AGGF1: variants seen among roughly 807,000 people sequenced by gnomAD.
AGGF1 encodes angiogenic factor with G-patch and FHA domains 1, also known as angiogenic factor with G patch and FHA domains 1.
AGGF1 carries 56 observed loss-of-function variants against 86.5 expected under a neutral mutation model. The observed-to-expected ratio is 0.65, with a 90% CI of 0.52 to 0.81. The LOEUF (loss-of-function observed/expected upper bound fraction) is 0.81. Among genes scored for constraint, AGGF1 ranks in the 30% least tolerant of loss-of-function variants. The probability of loss-of-function intolerance (pLI) is 0.00; values close to 1 mark genes in which losing one functional copy is unlikely to be tolerated. For synonymous variants in AGGF1, 313 were observed against 297.1 expected, an observed-to-expected ratio of 1.05 and a Z score of -0.55; for missense variants, 816 against 850.9, an observed-to-expected ratio of 0.96 and a Z score of 0.51.
chr5:77,044,560 T>C (rs1293569506), intron 5 of AGGF1, among the ~76,000 whole-genome samples: 1 of 152,196 alleles, frequency 6.6e-6, no homozygotes, highest in Non-Finnish European at 1.5e-5. Flanking sequence ...CTATCTAATG[T>C]TCTGTACTGG....
intron 5 of AGGF1, among the ~76,000 whole-genome samples, chr5:77,044,365 C>G (rs976005619): frequency 6.6e-6 from 1 of 152,188 alleles, no homozygotes; most frequent in Middle Eastern, 3.2e-3. Context: ...CTAAAAGGTA[C>G]CTGTGAGGCC....
At chr5:77,040,874 T>C (rs1352467669) in intron 5 of AGGF1, among the ~76,000 whole-genome samples, 3 of 152,184 alleles carry the variant, frequency 2.0e-5, no homozygotes, top group African/African-American at 2.4e-5. Flanking sequence ...CCTGTCCTGT[T>C]CTTTTTTGAG....
At chr5:77,056,666 G>A (rs1747467306) in intron 11 of AGGF1, among the ~76,000 whole-genome samples, 1 of 151,050 alleles carries the variant, frequency 6.6e-6, no homozygotes, top group Non-Finnish European at 1.5e-5. Flanking sequence ...AGATATAAAA[G>A]TAAAACCTAA....
intron 5 of AGGF1, among the ~76,000 whole-genome samples, chr5:77,044,728 T>C (rs1418291663): frequency 6.6e-6 from 1 of 152,194 alleles, no homozygotes; most frequent in Non-Finnish European, 1.5e-5. Flanking sequence ...TTGTTCTTGT[T>C]CTGGGTGAAT....
intron 8 of AGGF1, among the ~76,000 whole-genome samples, chr5:77,052,440 A>G (rs1303542262): frequency 2.0e-5 from 3 of 152,208 alleles, no homozygotes; most frequent in Admixed American, 2.0e-4. Context: ...AAATTTTTCA[A>G]ATTATAATCT....
intron 7 of AGGF1, among the ~76,000 whole-genome samples, 166 bp from the exon 8 acceptor site, chr5:77,048,770 C>G (rs1264635154): frequency 6.6e-6 from 1 of 152,168 alleles, no homozygotes; most frequent in East Asian, 1.9e-4. Context: ...TGTGTGAAAG[C>G]ACAGGAAATC....
chr5:77,041,781 CTTTT>C (rs202243111), intron 5 of AGGF1, among the ~76,000 whole-genome samples: 2 of 106,500 alleles, frequency 1.9e-5, no homozygotes, highest in African/African-American at 7.2e-5. Context: ...AAGACAAGAA[CTTTT>C]TTTATTTATT....
intron 8 of AGGF1, among the ~76,000 whole-genome samples, chr5:77,052,476 A>G (rs1480754491): frequency 6.6e-6 from 1 of 152,236 alleles, no homozygotes; most frequent in Admixed American, 6.5e-5. Context: ...AAGAGGTAGG[A>G]CATATTCTAA....
intron 13 of AGGF1, among the ~76,000 whole-genome samples, chr5:77,062,049 C>T (rs1747572025): frequency 1.3e-5 from 2 of 152,076 alleles, no homozygotes; most frequent in South Asian, 4.1e-4. Context: ...AGTGCTGTTT[C>T]CTGAGCCAAA....
At chr5:77,042,578 G>A (rs1260767478) in intron 5 of AGGF1, among the ~76,000 whole-genome samples, 1 of 67,854 alleles carries the variant, frequency 1.5e-5, no homozygotes, top group African/African-American at 4.6e-5. Flanking sequence ...GGCCGGGCGG[G>A]GGGGCTGACC....
intron 7 of AGGF1, among the ~76,000 whole-genome samples, chr5:77,048,588 TC>T (rs1438807659): frequency 6.6e-6 from 1 of 152,174 alleles, no homozygotes; most frequent in African/African-American, 2.4e-5. Flanking sequence ...CCTCAAGTGA[TC>T]CACCCACCTC....
At chr5:77,043,400 GCA>G in intron 5 of AGGF1, among the ~76,000 whole-genome samples, 2 of 65,554 alleles carry the variant, frequency 3.1e-5, no homozygotes, top group Non-Finnish European at 6.5e-5. Flanking sequence ...GGCTGGCCGG[GCA>G]GAGGGGCTCC....
intron 9 of AGGF1, 133 bp from the exon 10 acceptor site, chr5:77,053,832 T>C: frequency 1.1e-6 from 1 of 900,580 alleles, no homozygotes; most frequent in Non-Finnish European, 1.7e-6. Context: ...TGTGTGTATG[T>C]GTATGTGTCT....
intron 8 of AGGF1, among the ~76,000 whole-genome samples, chr5:77,051,265 C>G (rs1207654058): frequency 6.6e-6 from 1 of 151,938 alleles, no homozygotes; most frequent in Non-Finnish European, 1.5e-5. Flanking sequence ...AACCCCATCT[C>G]TACTAAAAAT....
intron 12 of AGGF1, 111 bp downstream of exon 12, chr5:77,059,854 A>G (rs1267120135): frequency 9.3e-6 from 13 of 1,399,264 alleles, no homozygotes; most frequent in African/African-American, 1.4e-5. Context: ...TTATTTGTTT[A>G]TTTATGAGAT....
chr5:77,035,252 A>G (rs921948601), intron 2 of AGGF1, among the ~76,000 whole-genome samples: 1 of 152,150 alleles, frequency 6.6e-6, no homozygotes, highest in African/African-American at 2.4e-5. Context: ...CAACCTATCT[A>G]CAGATTTTTA....
chr5:77,046,468 C>A lies in AGGF1; in HGVS notation c.992C>A (p.Pro331His). The change falls in exon 6 of 14, where the codon CCC becomes CAC. Residue 331 changes from proline to histidine, a missense_variant. Around this residue, in one of 3 missense-constraint regions of AGGF1, gnomAD observed 565 missense variants for 585.8 expected, o/e 0.96. Transcript: ENST00000312916. Reference protein sequence around the residue: ...KIGIHHKNSPPKVTVPTSGNT... With the variant: ...KIGIHHKNSPHKVTVPTSGNT... ...GGCATTCATCACAAAAATAGTCCCC[C>A]CAAAGTCACTGTTCCAACTAGTGGA... The A allele has an allele frequency of 6.2e-7, 1 of 1,614,014 alleles. No homozygotes were observed. The highest frequency in any genetic ancestry group is 8.5e-7 in the Non-Finnish European group (1 of 1,179,970).
chr5:77,045,594 C>T (rs549268918), intron 5 of AGGF1, among the ~76,000 whole-genome samples: 1 of 152,266 alleles, frequency 6.6e-6, no homozygotes, highest in East Asian at 1.9e-4. Context: ...TATTATCAAG[C>T]TGAATCTGAA....
chr5:77,040,299 C>T (rs1164997222), intron 5 of AGGF1, among the ~76,000 whole-genome samples: 2 of 151,670 alleles, frequency 1.3e-5, no homozygotes, highest in South Asian at 2.1e-4. Context: ...TTAGTAGAGA[C>T]GGGGCTTCTC....
Sources: allele counts gnomAD v4.1 joint callset (sites outside exome capture counted in the v4.1 genomes callset), GRCh38; gene constraint gnomAD v4.1.1; regional missense constraint gnomAD v4.1.1; transcripts MANE v1.5; gene names NCBI Gene and HGNC (gene_info 2026-07-23, HGNC 2026-07-21).